SAMD12: variants seen among roughly 807,000 people sequenced by gnomAD.
SAMD12 encodes the protein sterile alpha motif domain-containing protein 12.
A neutral mutation model predicts 15.0 loss-of-function variants in SAMD12; 9 were observed. That is an observed-to-expected ratio of 0.60 (90% confidence interval 0.36 to 1.05). SAMD12 has a LOEUF of 1.05. Ranked by LOEUF, SAMD12 falls within the 50% of genes least tolerant of loss-of-function variation. The probability of loss-of-function intolerance (pLI) is 0.01; values close to 1 mark genes in which losing one functional copy is unlikely to be tolerated. For missense variants in SAMD12, 230 were observed against 234.2 expected (o/e 0.98, Z 0.12); for synonymous variants, 86 against 90.1 (o/e 0.96, Z 0.25).
chr8:118,324,624 G>A (rs16890828), intron 4 of SAMD12, among the ~76,000 whole-genome samples: 5,544 of 152,196 alleles, frequency 0.036, 313 homozygotes, highest in African/African-American at 0.12. Context: ...TTAAAGTAGG[G>A]GTAAGCCCAG....
chr8:118,355,871 CA>C (rs936942594), intron 4 of SAMD12, among the ~76,000 whole-genome samples: 13 of 152,120 alleles, frequency 8.5e-5, no homozygotes, highest in African/African-American at 2.9e-4. Context: ...TTCTGGTTGA[CA>C]AAAAATCTAG....
At chr8:118,423,370 G>A (rs527720604) in intron 3 of SAMD12, among the ~76,000 whole-genome samples, 3 of 152,220 alleles carry the variant, frequency 2.0e-5, no homozygotes, top group Admixed American at 2.0e-4. Flanking sequence ...GCCCTGAAGT[G>A]GTGAGTCCAT....
At chr8:118,361,543 A>G (rs1202192460) in intron 4 of SAMD12, among the ~76,000 whole-genome samples, 1 of 152,216 alleles carries the variant, frequency 6.6e-6, no homozygotes, top group Non-Finnish European at 1.5e-5. Context: ...TAAACTTTGC[A>G]TCATCAATTA....
intron 4 of SAMD12, among the ~76,000 whole-genome samples, chr8:118,217,331 C>T (rs1811988103): frequency 6.6e-6 from 1 of 152,142 alleles, no homozygotes; most frequent in African/African-American, 2.4e-5. Context: ...TTTCTGCTCC[C>T]ATCTATTCAA....
chr8:118,554,393 T>C (rs942589357), intron 2 of SAMD12, among the ~76,000 whole-genome samples: 70 of 151,988 alleles, frequency 4.6e-4, no homozygotes, highest in African/African-American at 1.6e-3. Flanking sequence ...GGGACATGGA[T>C]GAAATTGGAA....
chr8:118,531,916 T>C (rs1047533640), intron 2 of SAMD12, among the ~76,000 whole-genome samples: 3 of 152,192 alleles, frequency 2.0e-5, no homozygotes, highest in African/African-American at 4.8e-5. Flanking sequence ...GAATACCCTT[T>C]ATTTCTTTCT....
chr8:118,569,259 C>A (rs939949977), intron 2 of SAMD12, among the ~76,000 whole-genome samples: 2 of 152,102 alleles, frequency 1.3e-5, no homozygotes, highest in African/African-American at 4.8e-5. Context: ...AAATTTGTTT[C>A]ATGCACAAAA....
the SAMD12 span, among the ~76,000 whole-genome samples, chr8:118,137,697 GGAA>G: frequency 4.6e-5 from 7 of 152,226 alleles, no homozygotes; most frequent in Non-Finnish European, 5.9e-5. Context: ...GGACCACATT[GGAA>G]GAAGAATTGT....
the SAMD12 span, among the ~76,000 whole-genome samples, chr8:118,175,139 G>A: frequency 2.0e-4 from 31 of 151,420 alleles, no homozygotes; most frequent in African/African-American, 7.3e-4. Flanking sequence ...TACAAAAACA[G>A]ACACATAGAC....
chr8:118,603,897 TAA>T (rs1262305133), intron 1 of SAMD12, among the ~76,000 whole-genome samples: 3 of 152,234 alleles, frequency 2.0e-5, no homozygotes, highest in Non-Finnish European at 4.4e-5. Context: ...AAATTAGTGA[TAA>T]GTTTATAGAA....
chr8:118,447,885 G>C (rs6990311), intron 2 of SAMD12, among the ~76,000 whole-genome samples: 3,631 of 151,530 alleles, frequency 0.024, 125 homozygotes, highest in African/African-American at 0.083. Flanking sequence ...GCCACCATGC[G>C]TGGCTAATTT....
At chr8:118,381,996 G>T (rs1819698986) in intron 3 of SAMD12, among the ~76,000 whole-genome samples, 1 of 152,196 alleles carries the variant, frequency 6.6e-6, no homozygotes, top group Admixed American at 6.6e-5. Flanking sequence ...CTGGCTTGCA[G>T]GATAGCCCTG....
intron 1 of SAMD12, among the ~76,000 whole-genome samples, chr8:118,589,830 A>C (rs1001366523): frequency 1.3e-5 from 2 of 152,322 alleles, no homozygotes; most frequent in African/African-American, 4.8e-5. Context: ...CCTTTACTAC[A>C]TATCATCTAC....
the SAMD12 span, among the ~76,000 whole-genome samples, chr8:118,165,036 G>T: frequency 6.6e-6 from 1 of 150,700 alleles, no homozygotes; most frequent in African/African-American, 2.5e-5. Flanking sequence ...TCTGCAGACA[G>T]CAAGGGGTAT....
intron 2 of SAMD12, among the ~76,000 whole-genome samples, chr8:118,444,755 TTTAAAG>T (rs771049611): frequency 3.3e-5 from 5 of 152,224 alleles, no homozygotes; most frequent in East Asian, 1.9e-4. Flanking sequence ...GCAAAATGCC[TTTAAAG>T]TTAAATTTTT....
intron 2 of SAMD12, among the ~76,000 whole-genome samples, chr8:118,467,101 T>C (rs1337175347): frequency 2.0e-5 from 3 of 152,358 alleles, no homozygotes; most frequent in East Asian, 3.9e-4. Flanking sequence ...CTGCATTTTC[T>C]TGAGTATCTA....
intron 4 of SAMD12, among the ~76,000 whole-genome samples, chr8:118,233,701 C>A (rs976458210): frequency 6.6e-6 from 1 of 152,034 alleles, no homozygotes; most frequent in East Asian, 1.9e-4. Flanking sequence ...GTTGTGAAGC[C>A]CCAGATGGCA....
At chr8:118,150,238 C>T in the SAMD12 span, among the ~76,000 whole-genome samples, 5 of 152,198 alleles carry the variant, frequency 3.3e-5, no homozygotes, top group Non-Finnish European at 5.9e-5. Context: ...ATCTTTAACT[C>T]ATCACATACC....
chr8:118,261,411 A>G (rs1277631572), intron 4 of SAMD12, among the ~76,000 whole-genome samples: 1 of 152,088 alleles, frequency 6.6e-6, no homozygotes, highest in Non-Finnish European at 1.5e-5. Context: ...GGATACACAT[A>G]ATGACACTTG....
Sources: gnomAD v4.1 joint callset for allele counts (sites outside exome capture counted in the v4.1 genomes callset) on GRCh38, gnomAD v4.1.1 for gene constraint, MANE v1.5 for transcripts, NCBI Gene and HGNC (gene_info 2026-07-23, HGNC 2026-07-21) for gene names.